KLRG1: variants seen among roughly 807,000 people sequenced by gnomAD.
KLRG1 encodes the protein killer cell lectin like receptor G1.
In KLRG1, 16 loss-of-function variants were observed where a neutral mutation model predicts 21.8. The ratio of observed to expected loss-of-function variants is 0.73; its 90% confidence interval spans 0.50 to 1.11. KLRG1 has a LOEUF of 1.11. Among genes scored for constraint, KLRG1 ranks in the 50% most tolerant of loss-of-function variants. KLRG1 has a pLI of 0.00. For missense variants in KLRG1, 173 were observed against 218.3 expected, an observed-to-expected ratio of 0.79 and a Z score of 1.31; for synonymous variants, 69 against 75.9, an observed-to-expected ratio of 0.91 and a Z score of 0.47.
the KLRG1 span, among the ~76,000 whole-genome samples, chr12:9,041,976 C>G: frequency 1.3e-5 from 2 of 152,118 alleles, no homozygotes; most frequent in Non-Finnish European, 2.9e-5. Flanking sequence ...GTTTGGGGAC[C>G]AGGTGATGAG....
the KLRG1 span, among the ~76,000 whole-genome samples, chr12:9,161,412 G>A: frequency 6.6e-6 from 1 of 152,156 alleles, no homozygotes; most frequent in Non-Finnish European, 1.5e-5. Flanking sequence ...TGGGTGCAAG[G>A]AATAAGAATT....
intron 3 of KLRG1, 105 bp from the exon 4 acceptor site, chr12:9,008,870 C>A: frequency 1.4e-6 from 1 of 729,046 alleles, no homozygotes; most frequent in Non-Finnish European, 2.3e-6. Flanking sequence ...GCTAGTTTGT[C>A]TTTTAATTAA....
chr12:9,196,536 T>C, the KLRG1 span: 21 of 1,574,368 alleles, frequency 1.3e-5, no homozygotes, highest in Non-Finnish European at 1.7e-5. Flanking sequence ...AAGTAAACTA[T>C]TGTTTTATTT....
At chr12:8,992,738 A>G (rs1351231063) in intron 2 of KLRG1, among the ~76,000 whole-genome samples, 2 of 151,520 alleles carry the variant, frequency 1.3e-5, no homozygotes, top group Non-Finnish European at 2.9e-5. Context: ...ACATTTCACC[A>G]TGTTGCCCAG....
chr12:9,028,731 C>A, the KLRG1 span: 1 of 520,624 alleles, frequency 1.9e-6, no homozygotes, highest in African/African-American at 1.9e-5. Context: ...CCTGAGCCAC[C>A]GCACCCGGCC....
intron 2 of KLRG1, among the ~76,000 whole-genome samples, chr12:8,994,441 C>T (rs564173709): frequency 1.6e-4 from 25 of 152,228 alleles, no homozygotes; most frequent in Non-Finnish European, 2.8e-4. Context: ...TAAAAGAGCT[C>T]GGTTAGGGCA....
In KLRG1 at chr12:9,009,601, A is replaced by G; in HGVS notation, c.*64A>G. On this transcript the variant is annotated 3_prime_UTR_variant, in exon 5 of 5. Coordinates refer to ENST00000356986, the MANE Select transcript of KLRG1 (RefSeq NM_005810.4). ...TATCCCTAAAAGGAGGGAGCTGGCC[A>G]CTGGCTGTTGGGAAAGCCATGAGTA... 2 of 1,585,050 alleles carry G rather than the reference A, an allele frequency of 1.3e-6. No homozygotes were observed. The highest frequency in any genetic ancestry group is 8.6e-7 in the Non-Finnish European group (1 of 1,166,240).
chr12:9,030,211 T>C, the KLRG1 span, among the ~76,000 whole-genome samples: 1 of 152,128 alleles, frequency 6.6e-6, no homozygotes, highest in East Asian at 1.9e-4. Context: ...AAGATGAAAG[T>C]GATGAGAACG....
the KLRG1 span, chr12:9,208,259 GGTTC>G: frequency 6.2e-7 from 1 of 1,610,958 alleles, no homozygotes; most frequent in African/African-American, 1.3e-5. Context: ...TGAGACTTAC[GGTTC>G]TGTAGAGTTT....
the KLRG1 span, among the ~76,000 whole-genome samples, chr12:9,061,174 C>A: frequency 6.6e-6 from 1 of 151,886 alleles, no homozygotes; most frequent in African/African-American, 2.4e-5. Flanking sequence ...TTTTGAATTC[C>A]TGGGCTTCAT....
At chr12:8,974,228 C>T (rs370387949) in intron 1 of KLRG1, among the ~76,000 whole-genome samples, 10 of 150,830 alleles carry the variant, frequency 6.6e-5, no homozygotes, top group African/African-American at 1.7e-4. Flanking sequence ...AGTGCAGTGG[C>T]GCGATCTCGG....
At chr12:8,983,390 T>TACAGGCGCCTGCCACCACACCTAGC (rs1565542661) in intron 1 of KLRG1, among the ~76,000 whole-genome samples, 1 of 147,286 alleles carries the variant, frequency 6.8e-6, no homozygotes, top group African/African-American at 2.5e-5. Flanking sequence ...GTCTTACCAT[T>TACAGGCGCCTGCCACCACACCTAGC]TTACCTTTTT....
At chr12:9,135,463 C>T in the KLRG1 span, 13 of 366,936 alleles carry the variant, frequency 3.5e-5, no homozygotes, top group Admixed American at 4.8e-4. Flanking sequence ...TATGAAAGCC[C>T]CACCAGCAGG....
upstream of KLRG1, among the ~76,000 whole-genome samples, chr12:8,986,467 A>G (rs1322290423): frequency 6.6e-6 from 1 of 152,060 alleles, no homozygotes; most frequent in East Asian, 1.9e-4. Context: ...ATGGATTTAT[A>G]TAGTTTTTCC....
chr12:9,068,405 T>C, the KLRG1 span, among the ~76,000 whole-genome samples: 1 of 152,304 alleles, frequency 6.6e-6, no homozygotes, highest in South Asian at 2.1e-4. Flanking sequence ...CTTTCAAATA[T>C]AGTGTTTTAT....
the KLRG1 span, among the ~76,000 whole-genome samples, chr12:9,015,843 C>T: frequency 6.6e-6 from 1 of 152,144 alleles, no homozygotes; most frequent in East Asian, 1.9e-4. Flanking sequence ...AACTAGAAGT[C>T]AGTAACAAGA....
At chr12:9,101,929 C>T in the KLRG1 span, among the ~76,000 whole-genome samples, 2 of 152,176 alleles carry the variant, frequency 1.3e-5, no homozygotes, top group Admixed American at 1.3e-4. Flanking sequence ...GCATCCTTTG[C>T]TCTGATTAGC....
At chr12:9,067,146 A>G in the KLRG1 span, 1 of 153,216 alleles carries the variant, frequency 6.5e-6, no homozygotes, top group Non-Finnish European at 1.5e-5. Context: ...AGATGATCCA[A>G]TATAATACTC....
chr12:8,958,890 T>C (rs1946339190), intron 1 of KLRG1, among the ~76,000 whole-genome samples: 1 of 151,872 alleles, frequency 6.6e-6, no homozygotes, highest in Non-Finnish European at 1.5e-5. Context: ...GGGTTACAAT[T>C]GGGGTTGATA....
Sources: allele counts gnomAD v4.1 joint callset (sites outside exome capture counted in the v4.1 genomes callset), GRCh38; gene constraint gnomAD v4.1.1; transcripts MANE v1.5; gene names NCBI Gene and HGNC (gene_info 2026-07-23, HGNC 2026-07-21).